THSD7B: variants seen among roughly 807,000 people sequenced by gnomAD.
THSD7B encodes the protein thrombospondin type-1 domain-containing protein 7B.
Under a neutral mutation model 213.6 loss-of-function variants are expected in THSD7B, and 138 were observed. That is an observed-to-expected ratio of 0.65 (90% confidence interval 0.56 to 0.74). The LOEUF (loss-of-function observed/expected upper bound fraction) is 0.74. Ranked by LOEUF, THSD7B falls within the 30% of genes least tolerant of loss-of-function variation. The pLI is 0.00. For missense variants in THSD7B, 1,931 were observed against 1,991.5 expected, an observed-to-expected ratio of 0.97 and a Z score of 0.58; for synonymous variants, 742 against 687.0, an observed-to-expected ratio of 1.08 and a Z score of -1.25.
intron 15 of THSD7B, among the ~76,000 whole-genome samples, chr2:137,558,020 T>A (rs1681018193): frequency 6.6e-6 from 1 of 152,136 alleles, no homozygotes; most frequent in Admixed American, 6.5e-5. Context: ...CAGGAAGAAG[T>A]TGAATTCCTC....
chr2:137,095,592 T>C (rs1368418322), intron 4 of THSD7B, among the ~76,000 whole-genome samples: 1 of 152,192 alleles, frequency 6.6e-6, no homozygotes, highest in Non-Finnish European at 1.5e-5. Context: ...TCTAACTCAG[T>C]TCCGTTTTCA....
chr2:136,867,474 T>C (rs1683362412), intron 1 of THSD7B, among the ~76,000 whole-genome samples: 1 of 152,212 alleles, frequency 6.6e-6, no homozygotes. Context: ...TTTTCTGCCC[T>C]TATAACTGAG....
intron 1 of THSD7B, among the ~76,000 whole-genome samples, chr2:136,847,888 T>C (rs146788713): frequency 6.6e-6 from 1 of 152,290 alleles, no homozygotes; most frequent in East Asian, 1.9e-4. Context: ...TCTAAAACCA[T>C]GCAGCCCAGC....
chr2:137,419,128 G>T (rs1438364340), intron 14 of THSD7B, among the ~76,000 whole-genome samples: 1 of 151,764 alleles, frequency 6.6e-6, no homozygotes, highest in Admixed American at 6.6e-5. Context: ...GGCTGGTCTT[G>T]AACTCCTGAC....
chr2:137,288,768 A>G (rs924347715), intron 12 of THSD7B, among the ~76,000 whole-genome samples: 3 of 147,670 alleles, frequency 2.0e-5, no homozygotes, highest in Non-Finnish European at 3.0e-5. Context: ...TTAAATATGC[A>G]AGAATAAGTA....
At chr2:137,604,514 G>C (rs891868748) in intron 17 of THSD7B, among the ~76,000 whole-genome samples, 1 of 152,028 alleles carries the variant, frequency 6.6e-6, no homozygotes, top group Non-Finnish European at 1.5e-5. Flanking sequence ...ATTTTAACAT[G>C]TATCTATCAT....
At chr2:137,454,777 A>G (rs1017235120) in intron 15 of THSD7B, among the ~76,000 whole-genome samples, 2 of 152,098 alleles carry the variant, frequency 1.3e-5, no homozygotes, top group Non-Finnish European at 2.9e-5. Context: ...TTTTTTATAA[A>G]GTTCAATTTT....
intron 2 of THSD7B, among the ~76,000 whole-genome samples, chr2:136,954,604 T>C (rs1287627541): frequency 6.6e-6 from 1 of 150,558 alleles, no homozygotes; most frequent in African/African-American, 2.4e-5. Flanking sequence ...TAGTCCCAGC[T>C]ACTCTGGAGG....
intron 2 of THSD7B, among the ~76,000 whole-genome samples, chr2:136,943,242 G>A (rs1684863830): frequency 6.6e-6 from 1 of 152,172 alleles, no homozygotes; most frequent in Admixed American, 6.5e-5. Flanking sequence ...ACTTGATTGT[G>A]GTGGATAAGC....
chr2:137,397,523 C>T (rs892232023), intron 12 of THSD7B, among the ~76,000 whole-genome samples: 3 of 151,684 alleles, frequency 2.0e-5, no homozygotes, highest in African/African-American at 7.3e-5. Context: ...AGGGTTTCTG[C>T]CAAGAGATCC....
chr2:137,495,166 T>C (rs1398707457), intron 15 of THSD7B, among the ~76,000 whole-genome samples: 1 of 152,208 alleles, frequency 6.6e-6, no homozygotes, highest in Admixed American at 6.5e-5. Context: ...ATTTTTTTTC[T>C]ATTTAGTGGT....
chr2:136,958,923 T>C (rs879610656), intron 2 of THSD7B, among the ~76,000 whole-genome samples: 4 of 152,132 alleles, frequency 2.6e-5, no homozygotes, highest in Admixed American at 6.6e-5. Flanking sequence ...TTCTTGGACA[T>C]AGAATGTGGC....
intron 4 of THSD7B, among the ~76,000 whole-genome samples, chr2:137,114,256 C>G (rs564732229): frequency 6.6e-6 from 1 of 152,302 alleles, no homozygotes; most frequent in South Asian, 2.1e-4. Flanking sequence ...TAATGAGTCT[C>G]TCAGTGTTTT....
intron 5 of THSD7B, among the ~76,000 whole-genome samples, chr2:137,137,631 T>A (rs1679492287): frequency 6.6e-6 from 1 of 152,134 alleles, no homozygotes; most frequent in Non-Finnish European, 1.5e-5. Context: ...GTAGACTAAT[T>A]CCTCTAAGTT....
intron 12 of THSD7B, among the ~76,000 whole-genome samples, chr2:137,280,662 C>A (rs955596900): frequency 6.6e-6 from 1 of 152,096 alleles, no homozygotes; most frequent in East Asian, 1.9e-4. Flanking sequence ...AGGAGACCCA[C>A]GTGTTCTTTC....
At chr2:137,467,306 C>G (rs995426612) in intron 15 of THSD7B, among the ~76,000 whole-genome samples, 1 of 152,138 alleles carries the variant, frequency 6.6e-6, no homozygotes, top group African/African-American at 2.4e-5. Flanking sequence ...TCAGTCACAC[C>G]TGGAATACAT....
chr2:137,398,628 C>T (rs369911503), intron 12 of THSD7B, among the ~76,000 whole-genome samples: 2,283 of 152,016 alleles, frequency 0.015, 26 homozygotes, highest in South Asian at 0.039. Flanking sequence ...TTTGTCTGTG[C>T]CCTGCCCCCA....
chr2:137,048,935 G>T (rs902185872), intron 2 of THSD7B, among the ~76,000 whole-genome samples: 1 of 152,190 alleles, frequency 6.6e-6, no homozygotes, highest in Non-Finnish European at 1.5e-5. Flanking sequence ...GGAGAACGTT[G>T]TGTGGGATTC....
At chr2:136,948,783 T>C (rs781734813) in intron 2 of THSD7B, among the ~76,000 whole-genome samples, 1 of 152,184 alleles carries the variant, frequency 6.6e-6, no homozygotes, top group Admixed American at 6.5e-5. Flanking sequence ...AATTCTAAAA[T>C]ATAAGCAACA....
Sources: allele counts gnomAD v4.1 joint callset (sites outside exome capture counted in the v4.1 genomes callset), GRCh38; gene constraint gnomAD v4.1.1; transcripts MANE v1.5; gene names NCBI Gene and HGNC (gene_info 2026-07-23, HGNC 2026-07-21).